The following PDE8B variants were observed in gnomAD, a reference collection of about 807,000 sequenced individuals.
PDE8B encodes phosphodiesterase 8B, also known as high affinity cAMP-specific and IBMX-insensitive 3',5'-cyclic phosphodiesterase 8B.
A neutral mutation model predicts 101.3 loss-of-function variants in PDE8B; 26 were observed. That is an observed-to-expected ratio of 0.26 (90% CI 0.19 to 0.36). PDE8B has a LOEUF of 0.36. PDE8B is among the 10% of genes least tolerant of loss of function. The pLI is 1.00. For missense variants in PDE8B, 810 were observed against 1,163.1 expected, an observed-to-expected ratio of 0.70 and a Z score of 4.42; for synonymous variants, 424 against 429.3, an observed-to-expected ratio of 0.99 and a Z score of 0.15.
chr5:77,310,699 G>A (rs1772406349), intron 1 of PDE8B, among the ~76,000 whole-genome samples: 1 of 152,176 alleles, frequency 6.6e-6, no homozygotes, highest in Non-Finnish European at 1.5e-5. Context: ...ACCCCCCACA[G>A]AGGGCCAGGA....
chr5:77,129,913 A>G, the PDE8B span, among the ~76,000 whole-genome samples: 1 of 152,102 alleles, frequency 6.6e-6, no homozygotes, highest in South Asian at 2.1e-4. Context: ...TTGGTTTGAA[A>G]TTGAATTTTT....
rs756581122 is a variant in PDE8B at position 77,409,070 on chromosome 5, G to C, written c.1530+13G>C. 2.5e-6 allele frequency: 4 copies of C among 1,612,462 alleles called. No homozygotes were observed. The Admixed American group carries it at 6.7e-5, about 27-fold the overall frequency. On this transcript the variant is annotated intron_variant, in intron 14 of 21. Coordinates refer to ENST00000264917, the MANE Select transcript of PDE8B (RefSeq NM_003719.5). ...AGGCCTGATGACTGTGAGTGATGAGGCAAAACCTGAAAAGCAAGAGAGGTA... is the reference window on the plus strand; with the variant it reads ...AGGCCTGATGACTGTGAGTGATGAGCCAAAACCTGAAAAGCAAGAGAGGTA...
chr5:77,357,300 G>C (rs1157431086), intron 10 of PDE8B, among the ~76,000 whole-genome samples: 1 of 152,290 alleles, frequency 6.6e-6, no homozygotes, highest in East Asian at 1.9e-4. Flanking sequence ...TGTCTGGGCA[G>C]CAAAGTGGGG....
the PDE8B span, among the ~76,000 whole-genome samples, chr5:77,157,890 C>G: frequency 1.8e-4 from 27 of 152,346 alleles, no homozygotes; most frequent in South Asian, 5.6e-3. Context: ...TAGAGCATCC[C>G]TCTCTCTAGT....
chr5:77,291,775 C>T (rs1042888783), intron 1 of PDE8B: 29 of 1,579,498 alleles, frequency 1.8e-5, no homozygotes, highest in Admixed American at 5.0e-5. Flanking sequence ...AAAGACTTTC[C>T]TCTGGCCCAA....
the PDE8B span, among the ~76,000 whole-genome samples, chr5:77,193,829 T>C: frequency 6.6e-6 from 1 of 152,210 alleles, no homozygotes; most frequent in Non-Finnish European, 1.5e-5. Context: ...ATTAGACTTT[T>C]AAATTTCTCT....
At chr5:77,388,522 G>A (rs373692191) in intron 10 of PDE8B, among the ~76,000 whole-genome samples, 1 of 152,198 alleles carries the variant, frequency 6.6e-6, no homozygotes, top group East Asian at 1.9e-4. Context: ...CTACTGGGAG[G>A]TGTCTCCCAG....
the PDE8B span, among the ~76,000 whole-genome samples, chr5:77,179,982 A>G: frequency 1.5e-3 from 225 of 152,272 alleles, 1 homozygote; most frequent in Admixed American, 2.7e-3. Context: ...ATTATAGTGT[A>G]TATGATTGTG....
intron 10 of PDE8B, among the ~76,000 whole-genome samples, chr5:77,390,971 G>A (rs1789781504): frequency 6.6e-6 from 1 of 152,182 alleles, no homozygotes; most frequent in Non-Finnish European, 1.5e-5. Context: ...GACTGCAGAT[G>A]TCATGCTGCC....
At chr5:77,196,253 T>G in the PDE8B span, among the ~76,000 whole-genome samples, 1 of 152,196 alleles carries the variant, frequency 6.6e-6, no homozygotes, top group Non-Finnish European at 1.5e-5. Context: ...ATAGTGTCAT[T>G]TGATGTACAA....
At chr5:77,165,561 C>G in the PDE8B span, 2 of 151,144 alleles carry the variant, frequency 1.3e-5, no homozygotes, top group Non-Finnish European at 2.9e-5. Context: ...ACAACTGCAA[C>G]AACAACAAAA....
At chr5:77,302,482 C>G (rs1468522521) in intron 1 of PDE8B, among the ~76,000 whole-genome samples, 1 of 152,190 alleles carries the variant, frequency 6.6e-6, no homozygotes, top group Non-Finnish European at 1.5e-5. Context: ...TGCAGCCTGA[C>G]CTCACTGTCT....
At chr5:77,180,541 G>A in the PDE8B span, 1 of 956,736 alleles carries the variant, frequency 1.0e-6, no homozygotes, top group Non-Finnish European at 1.2e-6. Flanking sequence ...TCACACCTGG[G>A]TACCCGGCCG....
In PDE8B at chr5:77,325,713, G is replaced by A; in HGVS notation, c.574G>A (p.Ala192Thr). 6 of 1,611,730 alleles carry A rather than the reference G, an allele frequency of 3.7e-6. No homozygotes were observed. The highest frequency in any genetic ancestry group is 1.7e-4 in the Middle Eastern group (1 of 6,032). The change falls in exon 3 of 22, where the codon GCA (alanine) becomes ACA (threonine). Residue 192 changes from alanine to threonine, a missense_variant. By Grantham distance (58) the Ala-to-Thr change is moderately conservative. Around this residue, in one of 4 missense-constraint regions of PDE8B, gnomAD observed 251 missense variants for 378.8 expected, o/e 0.66. Coordinates refer to ENST00000264917, the MANE Select transcript of PDE8B (RefSeq NM_003719.5). ...TCATAGACAAACTCAGAACTTCGAT[G>A]CAGAAGCAGTGTGCAGGTACCTTCT... is the stretch of plus-strand genomic sequence containing the variant. Reference protein sequence around the residue: ...IDHRQTQNFDAEAVCRSIRAT... With the variant: ...IDHRQTQNFDTEAVCRSIRAT...
intron 10 of PDE8B, among the ~76,000 whole-genome samples, chr5:77,364,598 C>T (rs1385338697): frequency 6.6e-6 from 1 of 152,152 alleles, no homozygotes; most frequent in East Asian, 1.9e-4. Context: ...AGAAAGTATG[C>T]ATTTACTCAT....
intron 17 of PDE8B, among the ~76,000 whole-genome samples, chr5:77,415,355 T>C (rs1482420947): frequency 7.2e-6 from 1 of 139,290 alleles, no homozygotes; most frequent in African/African-American, 2.9e-5. Flanking sequence ...GCTAAAATTT[T>C]TTTTTTTTTT....
chr5:77,136,471 C>T, the PDE8B span, among the ~76,000 whole-genome samples: 1 of 152,168 alleles, frequency 6.6e-6, no homozygotes, highest in Non-Finnish European at 1.5e-5. Flanking sequence ...TCTAGTAATA[C>T]AGGTCCAAGG....
chr5:77,147,146 GA>G, the PDE8B span: 1 of 345,080 alleles, frequency 2.9e-6, no homozygotes, highest in Non-Finnish European at 5.8e-6. Flanking sequence ...TGAAGATGAT[GA>G]TGATGATGAT....
chr5:77,207,045 T>G (rs937635301), upstream of PDE8B, among the ~76,000 whole-genome samples: 1 of 152,206 alleles, frequency 6.6e-6, no homozygotes, highest in Admixed American at 6.5e-5. Flanking sequence ...CGTCTAACCC[T>G]GAATTCAATG....
Sources: gnomAD v4.1 joint callset for allele counts (sites outside exome capture counted in the v4.1 genomes callset) on GRCh38, gnomAD v4.1.1 for gene constraint, gnomAD v4.1.1 regional missense constraint, MANE v1.5 for transcripts, NCBI Gene and HGNC (gene_info 2026-07-23, HGNC 2026-07-21) for gene names.